The following DNAAF11 variants were observed in gnomAD, a reference collection of about 807,000 sequenced individuals.
The protein encoded by DNAAF11 is leucine rich repeat containing 6.
DNAAF11 carries 45 observed loss-of-function variants against 60.8 expected under a neutral mutation model. The observed-to-expected ratio is 0.74, with a 90% CI of 0.58 to 0.95. The LOEUF (loss-of-function observed/expected upper bound fraction) is 0.95, where lower values mean the gene tolerates loss of function less well. Ranked by LOEUF, DNAAF11 falls within the 40% of genes least tolerant of loss-of-function variation. The pLI, the probability that DNAAF11 is intolerant of heterozygous loss-of-function variation, is 0.00. For missense variants in DNAAF11, 546 were observed against 546.2 expected (o/e 1.00, Z 0.00); for synonymous variants, 191 against 183.5 (o/e 1.04, Z -0.33).
intron 3 of DNAAF11, among the ~76,000 whole-genome samples, chr8:132,646,848 TCCTTAGAGA>T (rs1456050168): frequency 6.6e-6 from 1 of 151,856 alleles, no homozygotes; most frequent in Non-Finnish European, 1.5e-5. Context: ...ATAAAGCAAG[TCCTTAGAGA>T]CCTACAAAGA....
chr8:132,576,082 A>C (rs1379580540), intron 11 of DNAAF11, among the ~76,000 whole-genome samples: 1 of 152,060 alleles, frequency 6.6e-6, no homozygotes, highest in Non-Finnish European at 1.5e-5. Context: ...AAAGTTAGAG[A>C]CTGATTTCTT....
At chr8:132,694,130 A>C in the DNAAF11 span, among the ~76,000 whole-genome samples, 1 of 152,212 alleles carries the variant, frequency 6.6e-6, no homozygotes, top group African/African-American at 2.4e-5. Flanking sequence ...GTTGGTAAGC[A>C]GGGGTAAGCT....
chr8:132,655,556 C>CA (rs1486804792), intron 3 of DNAAF11, among the ~76,000 whole-genome samples: 1 of 152,116 alleles, frequency 6.6e-6, no homozygotes, highest in Non-Finnish European at 1.5e-5. Flanking sequence ...ATCTGCAAAT[C>CA]AATTATCTGA....
At chr8:132,696,180 A>G in the DNAAF11 span, among the ~76,000 whole-genome samples, 1 of 152,218 alleles carries the variant, frequency 6.6e-6, no homozygotes, top group East Asian at 1.9e-4. Context: ...GGAAAAATGC[A>G]CATGAAAAGA....
intron 1 of DNAAF11, among the ~76,000 whole-genome samples, chr8:132,666,206 C>A (rs1824611116): frequency 6.6e-6 from 1 of 151,990 alleles, no homozygotes; most frequent in African/African-American, 2.4e-5. Flanking sequence ...TCCAATATAC[C>A]CATGTAACAA....
At position 132,615,022 on chromosome 8, in the gene DNAAF11, T is replaced by C. The variant is rs756008255; in HGVS notation, c.974+16A>G. On this transcript the variant is annotated intron_variant, in intron 8 of 11. Coordinates refer to ENST00000620350, the MANE Select transcript of DNAAF11 (RefSeq NM_012472.6). ...GACAGAAATGTCATAAATAAATACG[T>C]AGAAAATGTCTTTACCTATAGACAG... 8 of 1,525,996 alleles carry C rather than the reference T, an allele frequency of 5.2e-6. No homozygotes were observed. The highest frequency in any genetic ancestry group is 3.5e-5 in the South Asian group (3 of 84,728). The allele number at this position is 1,525,996 out of a possible 1,614,324, so 94.5% of individuals were successfully genotyped here.
intron 8 of DNAAF11, 51 bp from the exon 9 acceptor site, chr8:132,611,414 G>A (rs761787085): frequency 1.0e-5 from 11 of 1,072,062 alleles, no homozygotes; most frequent in South Asian, 2.7e-5. Flanking sequence ...TATCAAGTTT[G>A]AATAAGTGCA....
rs1043512880 is a variant in DNAAF11 at position 132,570,442 on chromosome 8, T to A, written c.*1864A>T. Among the ~76,000 whole-genome samples the A allele has an allele frequency of 6.6e-6, 1 of 152,254 alleles. No homozygotes were observed. The highest frequency in any genetic ancestry group is 2.4e-5 in the African/African-American group (1 of 41,476). On this transcript the variant is annotated 3_prime_UTR_variant, in exon 12 of 12. Transcript: ENST00000620350. ...GGCACAGTTTTGTTTGTTTAATGGA[T>A]AATTCTATTAGTTTGGTCAAAAGTA...
At chr8:132,625,923 T>C (rs979198931) in intron 5 of DNAAF11, among the ~76,000 whole-genome samples, 1 of 152,206 alleles carries the variant, frequency 6.6e-6, no homozygotes, top group Non-Finnish European at 1.5e-5. Flanking sequence ...CTTGTACCTG[T>C]CAATTACACT....
intron 1 of DNAAF11, among the ~76,000 whole-genome samples, chr8:132,674,655 G>A (rs1407083520): frequency 1.3e-5 from 2 of 152,176 alleles, no homozygotes; most frequent in African/African-American, 4.8e-5. Context: ...TTGAGAGGCC[G>A]AGGCGGGCGG....
rs775757525 is a variant in DNAAF11 at position 132,637,994 on chromosome 8, G to C, written c.370C>G (p.Pro124Ala). ...HLKELFLMGN[P>A]CASFDHYREF... ...CTATAGTGGTCAAAGGAAGCACATGGGTTCCCCATGAGAAAGAGCTCCTTC... is the reference window on the plus strand; with the variant it reads ...CTATAGTGGTCAAAGGAAGCACATGCGTTCCCCATGAGAAAGAGCTCCTTC... The change falls in exon 4 of 12, where the codon CCA (proline) becomes GCA (alanine). Residue 124 changes from proline to alanine, a missense_variant. Pro to Ala is a conservative substitution (Grantham distance 27). Coordinates refer to ENST00000620350, the MANE Select transcript of DNAAF11 (RefSeq NM_012472.6). 6.2e-7 allele frequency: 1 copy of C among 1,614,066 alleles called. No individual in the cohort carries two copies. The highest frequency in any genetic ancestry group is 8.5e-7 in the Non-Finnish European group (1 of 1,179,952).
the DNAAF11 span, among the ~76,000 whole-genome samples, chr8:132,700,770 C>A: frequency 2.6e-5 from 4 of 152,120 alleles, no homozygotes; most frequent in African/African-American, 9.7e-5. Context: ...GGTTTGGGGT[C>A]TGGGTTTGAG....
In DNAAF11 at chr8:132,595,347, G is replaced by GAAAAAAAAAAAAAAAAAA. The variant is rs1563992420; in HGVS notation, c.1141-11569_1141-11568insTTTTTTTTTTTTTTTTTT. ...TTCCCGAAAGAGAGAGAGACAGAGG[G>GAAAAAAAAAAAAAAAAAA]GAAAAAAAAAAAAAAAAAAAAAAAA... is the stretch of plus-strand genomic sequence containing the variant. On this transcript the variant is annotated intron_variant, in intron 10 of 11. Transcript: ENST00000620350. Among the ~76,000 whole-genome samples the GAAAAAAAAAAAAAAAAAA allele has an allele frequency of 9.8e-5, 4 of 40,676 alleles. 2 individuals are homozygous for GAAAAAAAAAAAAAAAAAA. Among genetic ancestry groups the GAAAAAAAAAAAAAAAAAA allele is most frequent in the African/African-American group, 1.6e-4 (2 of 12,574 alleles). 26.7% of individuals were successfully genotyped at this position (40,676 alleles called of 152,430 possible).
intron 1 of DNAAF11, among the ~76,000 whole-genome samples, chr8:132,665,086 C>T (rs1440580636): frequency 6.6e-6 from 1 of 151,650 alleles, no homozygotes; most frequent in East Asian, 1.9e-4. Context: ...GAGGACAGAA[C>T]TGTGAAGATG....
chr8:132,603,243 A>AC (rs1817807530), intron 10 of DNAAF11, among the ~76,000 whole-genome samples: 1 of 152,160 alleles, frequency 6.6e-6, no homozygotes, highest in Non-Finnish European at 1.5e-5. Context: ...TTAGCAGATG[A>AC]CAGAGCTCTA....
chr8:132,684,157 C>G, the DNAAF11 span, among the ~76,000 whole-genome samples: 1 of 152,174 alleles, frequency 6.6e-6, no homozygotes, highest in African/African-American at 2.4e-5. Context: ...CTTCTGACAC[C>G]AACTGCAGTT....
intron 2 of DNAAF11, among the ~76,000 whole-genome samples, chr8:132,659,729 G>A (rs905807102): frequency 6.6e-6 from 1 of 151,960 alleles, no homozygotes; most frequent in African/African-American, 2.4e-5. Flanking sequence ...CAAGCCTGAG[G>A]CTAATTTTCA....
chr8:132,573,978 G>C lies in DNAAF11; in HGVS notation c.1227-1498C>G, dbSNP rs143101230. Among the ~76,000 whole-genome samples, 742 of 152,342 alleles carry C rather than the reference G, an allele frequency of 4.9e-3. 12 individuals carry two copies. The highest frequency in any genetic ancestry group is 0.017 in the African/African-American group (714 of 41,574). On this transcript the variant is annotated intron_variant, in intron 11 of 11. Coordinates refer to ENST00000620350, the MANE Select transcript of DNAAF11 (RefSeq NM_012472.6). ...GGGCTTGTGTAGCCTCTGAAGGGGT[G>C]AAAGAGGTGGGAATCCGAAGATGCC...
chr8:132,592,637 T>C (rs111848091), intron 10 of DNAAF11, among the ~76,000 whole-genome samples: 227 of 152,250 alleles, frequency 1.5e-3, no homozygotes, highest in African/African-American at 5.2e-3. Context: ...GTCTGCATTT[T>C]TGGAAGGTTG....
Sources: allele counts gnomAD v4.1 joint callset (sites outside exome capture counted in the v4.1 genomes callset), GRCh38; gene constraint gnomAD v4.1.1; transcripts MANE v1.5; gene names NCBI Gene and HGNC (gene_info 2026-07-23, HGNC 2026-07-21).